Variants in ANKUB1 observed in about 807,000 individuals in gnomAD.
ANKUB1 encodes ankyrin repeat and ubiquitin domain containing 1.
ANKUB1 carries 42 observed loss-of-function variants against 49.3 expected under a neutral mutation model. The ratio of observed to expected loss-of-function variants is 0.85; its 90% CI spans 0.67 to 1.10. The LOEUF (loss-of-function observed/expected upper bound fraction) is 1.10, where lower values mean the gene tolerates loss of function less well. Among genes scored for constraint, ANKUB1 ranks in the 50% least tolerant of loss-of-function variants. The probability of loss-of-function intolerance (pLI) is 0.00; values close to 1 mark genes in which losing one functional copy is unlikely to be tolerated. For synonymous variants in ANKUB1, 222 were observed against 231.0 expected (o/e 0.96, Z 0.35); for missense variants, 613 against 642.0 (o/e 0.95, Z 0.49).
At chr3:149,786,145 C>T (rs1208221374) in intron 2 of ANKUB1, among the ~76,000 whole-genome samples, 1 of 152,174 alleles carries the variant, frequency 6.6e-6, no homozygotes, top group East Asian at 1.9e-4. Context: ...ACACCATTCT[C>T]CTGCCTCAGC....
At chr3:149,780,531 G>T in intron 2 of ANKUB1, 76 bp from the exon 3 acceptor site, 1 of 1,114,766 alleles carries the variant, frequency 9.0e-7, no homozygotes, top group Non-Finnish European at 1.3e-6. Context: ...GGGTAGCTTT[G>T]AGCACCTCTA....
chr3:149,789,444 A>G (rs1718260464), intron 2 of ANKUB1, among the ~76,000 whole-genome samples: 1 of 152,168 alleles, frequency 6.6e-6, no homozygotes, highest in Non-Finnish European at 1.5e-5. Context: ...GACATTAAGA[A>G]GTGGCTGGAA....
chr3:149,766,760 T>C, intron 5 of ANKUB1: 1 of 917,974 alleles, frequency 1.1e-6, no homozygotes, highest in Non-Finnish European at 1.7e-6. Flanking sequence ...ATAGCACCAC[T>C]GCACTCCAGC....
intron 5 of ANKUB1, chr3:149,763,954 G>A (rs1324748837): frequency 2.2e-6 from 1 of 456,234 alleles, no homozygotes; most frequent in East Asian, 6.9e-5. Flanking sequence ...TTCACATGAT[G>A]CCAGATGACT....
intron 3 of ANKUB1, chr3:149,779,963 T>C (rs749649582): frequency 2.5e-6 from 1 of 407,428 alleles, no homozygotes; most frequent in South Asian, 3.5e-5. Context: ...ATGGTTTTGA[T>C]TGTAAATCTT....
chr3:149,788,656 T>C (rs188435339), intron 2 of ANKUB1, among the ~76,000 whole-genome samples: 7 of 152,342 alleles, frequency 4.6e-5, no homozygotes, highest in Admixed American at 1.3e-4. Context: ...ATCACTGTGA[T>C]ATATGATGCT....
chr3:149,772,099 A>G (rs4681552), intron 3 of ANKUB1, among the ~76,000 whole-genome samples: 67,561 of 148,330 alleles, frequency 0.46, 17,028 homozygotes, highest in African/African-American at 0.7. Flanking sequence ...ATCTTGGCTC[A>G]CTGCAACCTC....
chr3:149,776,804 T>TACACACACAC (rs35734266), intron 3 of ANKUB1, among the ~76,000 whole-genome samples: 1 of 149,492 alleles, frequency 6.7e-6, no homozygotes, highest in Admixed American at 6.7e-5. Flanking sequence ...CTATAAAAAA[T>TACACACACAC]ACACACACAC....
intron 5 of ANKUB1, chr3:149,766,606 C>A: frequency 2.3e-6 from 1 of 432,538 alleles, no homozygotes; most frequent in Non-Finnish European, 4.3e-6. Flanking sequence ...TTGAGACCAA[C>A]CTGGGCAACA....
In ANKUB1 at chr3:149,767,002, A is replaced by T; in HGVS notation, c.1505+155T>A. ...AATATTAATTCATTTTGTCCTAGTGATGAGGCTAAGATGAGGTCCTTGAAG... is the reference window on the plus strand; with the variant it reads ...AATATTAATTCATTTTGTCCTAGTGTTGAGGCTAAGATGAGGTCCTTGAAG... On this transcript the variant is annotated intron_variant, in intron 5 of 5. Coordinates refer to ENST00000446160, the MANE Select transcript of ANKUB1 (RefSeq NM_001144960.3). 5.0e-6 allele frequency: 5 copies of T among 998,142 alleles called. 1 individual carries two copies. In the South Asian group the frequency reaches 7.7e-5, roughly 15 times the overall value. 61.8% of individuals were successfully genotyped at this position (998,142 alleles called of 1,614,324 possible).
chr3:149,789,139 A>C (rs181784987), intron 2 of ANKUB1, among the ~76,000 whole-genome samples: 47 of 152,262 alleles, frequency 3.1e-4, no homozygotes, highest in African/African-American at 1.1e-3. Context: ...CATACTACCT[A>C]GTCAAAAATA....
intron 3 of ANKUB1, among the ~76,000 whole-genome samples, chr3:149,772,494 C>T (rs1717410982): frequency 6.6e-6 from 1 of 152,152 alleles, no homozygotes; most frequent in Admixed American, 6.5e-5. Flanking sequence ...AGCAGCCTTC[C>T]CTTCTTTATT....
rs1456443334 is a variant in ANKUB1, at chr3:149,770,477, G to A, written c.566+83C>T. 8.1e-6 allele frequency: 8 copies of A among 987,248 alleles called. No homozygotes were observed. In the East Asian group the frequency reaches 1.8e-4, roughly 23 times the overall value. The allele number at this position is 987,248 out of a possible 1,614,324, so 61.2% of individuals were successfully genotyped here. The stretch of plus-strand genomic sequence containing the variant: ...GAGCAGCACCCCAGCTGTAGAGTGA[G>A]TGAATTGCAGGCTCAAGGTATGATG... On this transcript the variant is annotated intron_variant, in intron 4 of 5. Transcript: ENST00000446160.
intron 5 of ANKUB1, chr3:149,766,869 A>G: frequency 1.7e-6 from 2 of 1,196,542 alleles, no homozygotes; most frequent in South Asian, 2.7e-5. Flanking sequence ...CAGCAGCAGC[A>G]GCAGCAGCAG....
At chr3:149,791,097 G>T (rs1403293234) in intron 1 of ANKUB1, among the ~76,000 whole-genome samples, 173 bp from the exon 2 acceptor site, 1 of 152,110 alleles carries the variant, frequency 6.6e-6, no homozygotes, top group Non-Finnish European at 1.5e-5. Context: ...ACATTTATGG[G>T]TAGAATTTAG....
chr3:149,767,706 C>A lies in ANKUB1; in HGVS notation c.956G>T (p.Trp319Leu), dbSNP rs778066924. The A allele has an allele frequency of 6.4e-7, 1 of 1,551,584 alleles. No individual in the cohort carries two copies. Among genetic ancestry groups the A allele is most frequent in the South Asian group, 1.2e-5 (1 of 84,038 alleles). ...ACTGTGACTCTGAGCTCTGAGGATC[C>A]ATTGTTTTATTTTAATATAAATCCT... ...PMRIYIKIKQ[W>L]ILRAQSHSLH... Residue 319 changes from tryptophan to leucine, a missense_variant, in exon 5 of 6, where the codon TGG becomes TTG. Physicochemically the swap from Trp to Leu is moderately conservative, Grantham distance 61. Transcript: ENST00000446160.
chr3:149,777,509 A>T (rs867431618), intron 3 of ANKUB1, among the ~76,000 whole-genome samples: 1 of 151,730 alleles, frequency 6.6e-6, no homozygotes, highest in South Asian at 2.1e-4. Context: ...ACAAAAAAAC[A>T]CTCCTGTTCC....
intron 2 of ANKUB1, among the ~76,000 whole-genome samples, chr3:149,782,535 G>A (rs2108276881): frequency 6.6e-6 from 1 of 152,170 alleles, no homozygotes; most frequent in East Asian, 1.9e-4. Flanking sequence ...AGTAATAAGG[G>A]AGAACTGCAA....
chr3:149,788,376 G>C (rs1181098693), intron 2 of ANKUB1, among the ~76,000 whole-genome samples: 1 of 151,336 alleles, frequency 6.6e-6, no homozygotes, highest in Non-Finnish European at 1.5e-5. Flanking sequence ...TGGCTCTCTT[G>C]AATAAACTCC....
Sources: gnomAD v4.1 joint callset for allele counts (sites outside exome capture counted in the v4.1 genomes callset) on GRCh38, gnomAD v4.1.1 for gene constraint, MANE v1.5 for transcripts, NCBI Gene and HGNC (gene_info 2026-07-23, HGNC 2026-07-21) for gene names.